TENM4: variants seen among roughly 807,000 people sequenced by gnomAD.
TENM4 encodes the protein teneurin-4.
Under a neutral mutation model 243.3 loss-of-function variants are expected in TENM4, and 82 were observed. The ratio of observed to expected loss-of-function variants is 0.34; its 90% CI spans 0.28 to 0.40. The LOEUF is 0.40. Among genes scored for constraint, TENM4 ranks in the 10% least tolerant of loss-of-function variants. The pLI is 1.00. For synonymous variants in TENM4, 1,412 were observed against 1,456.3 expected, an observed-to-expected ratio of 0.97 and a Z score of 0.69; for missense variants, 3,138 against 3,673.3, an observed-to-expected ratio of 0.85 and a Z score of 3.77.
intron 3 of TENM4, among the ~76,000 whole-genome samples, chr11:79,172,251 T>A (rs145980173): frequency 7.8e-4 from 118 of 152,118 alleles, no homozygotes; most frequent in African/African-American, 2.5e-3. Context: ...ATGCACCTAG[T>A]CAGCACTGTT....
intron 3 of TENM4, among the ~76,000 whole-genome samples, chr11:79,189,343 C>A: frequency 6.6e-6 from 1 of 152,142 alleles, no homozygotes. Context: ...TCTGTGTTCC[C>A]ACCACAGTCT....
intron 12 of TENM4, among the ~76,000 whole-genome samples, chr11:78,843,797 C>T (rs1026641763): frequency 6.6e-6 from 1 of 152,190 alleles, no homozygotes; most frequent in African/African-American, 2.4e-5. Flanking sequence ...CCTTGGGATG[C>T]ATAAAGTCCT....
chr11:79,006,888 G>A (rs908801416), intron 6 of TENM4, among the ~76,000 whole-genome samples: 1 of 152,226 alleles, frequency 6.6e-6, no homozygotes, highest in African/African-American at 2.4e-5. Context: ...CTGTGAAGGT[G>A]TTTTTGAACA....
At chr11:79,213,794 G>T (rs1402190748) in intron 3 of TENM4, among the ~76,000 whole-genome samples, 3 of 152,128 alleles carry the variant, frequency 2.0e-5, no homozygotes, top group Admixed American at 6.5e-5. Context: ...TATTACAAGT[G>T]AGTATGGTGA....
intron 1 of TENM4, among the ~76,000 whole-genome samples, chr11:79,375,091 T>C (rs1857865723): frequency 6.6e-6 from 1 of 152,214 alleles, no homozygotes; most frequent in Non-Finnish European, 1.5e-5. Context: ...CTAAATCTTT[T>C]GTCTAACACA....
At chr11:78,675,769 A>G (rs1356892530) in intron 30 of TENM4, among the ~76,000 whole-genome samples, 1 of 152,284 alleles carries the variant, frequency 6.6e-6, no homozygotes, top group East Asian at 1.9e-4. Context: ...ATTATTGACC[A>G]CTTGCTATGA....
intron 4 of TENM4, among the ~76,000 whole-genome samples, chr11:79,113,055 C>A (rs1429489422): frequency 6.6e-6 from 1 of 152,136 alleles, no homozygotes; most frequent in African/African-American, 2.4e-5. Flanking sequence ...AGTGAAGGAC[C>A]CTCTCAGATG....
At chr11:79,107,994 G>C (rs941722312) in intron 4 of TENM4, among the ~76,000 whole-genome samples, 21 of 152,152 alleles carry the variant, frequency 1.4e-4, no homozygotes, top group Admixed American at 2.0e-4. Flanking sequence ...AATTGATCCT[G>C]GCAAGAACTA....
intron 2 of TENM4, among the ~76,000 whole-genome samples, chr11:79,257,979 T>A (rs1855728122): frequency 6.6e-6 from 1 of 151,896 alleles, no homozygotes; most frequent in African/African-American, 2.4e-5. Context: ...GGTGCAAGAG[T>A]TTAAGCCTTC....
intron 2 of TENM4, among the ~76,000 whole-genome samples, chr11:79,280,997 A>G (rs1176477947): frequency 6.6e-6 from 1 of 152,210 alleles, no homozygotes; most frequent in African/African-American, 2.4e-5. Context: ...TTTCCACTGG[A>G]CAGAAACCTG....
chr11:79,129,663 C>A (rs1861959120), intron 4 of TENM4, among the ~76,000 whole-genome samples: 1 of 152,084 alleles, frequency 6.6e-6, no homozygotes, highest in Admixed American at 6.5e-5. Context: ...CAGCCATAGT[C>A]CGCCCAGGTA....
At chr11:79,429,408 C>A (rs1859121438) in intron 1 of TENM4, among the ~76,000 whole-genome samples, 2 of 152,164 alleles carry the variant, frequency 1.3e-5, no homozygotes, top group Admixed American at 1.3e-4. Flanking sequence ...GCCAGCGGAC[C>A]AGCAGCTGAG....
At chr11:79,412,774 C>A (rs749442116) in intron 1 of TENM4, among the ~76,000 whole-genome samples, 18 of 152,134 alleles carry the variant, frequency 1.2e-4, no homozygotes, top group Non-Finnish European at 2.1e-4. Flanking sequence ...TGCATGCATC[C>A]ATTCATTCAT....
chr11:79,291,839 TC>T (rs1465826220), intron 2 of TENM4, among the ~76,000 whole-genome samples: 5 of 152,124 alleles, frequency 3.3e-5, no homozygotes, highest in Non-Finnish European at 7.4e-5. Flanking sequence ...ATATGTAGTC[TC>T]CCCAAGCACT....
intron 26 of TENM4, 42 bp downstream of exon 26, chr11:78,712,440 C>T: frequency 1.3e-6 from 2 of 1,560,136 alleles, no homozygotes; most frequent in South Asian, 1.2e-5. Flanking sequence ...GGAAAATACC[C>T]CAATAAATGT....
At chr11:79,322,826 C>T (rs1856913527) in intron 1 of TENM4, among the ~76,000 whole-genome samples, 1 of 152,176 alleles carries the variant, frequency 6.6e-6, no homozygotes, top group Non-Finnish European at 1.5e-5. Context: ...TCTGGAGAGG[C>T]ATATTTATTC....
At chr11:79,222,646 C>T (rs1354228326) in intron 2 of TENM4, among the ~76,000 whole-genome samples, 1 of 152,210 alleles carries the variant, frequency 6.6e-6, no homozygotes, top group Non-Finnish European at 1.5e-5. Flanking sequence ...ATTCCTATTT[C>T]TCCACAGCCT....
intron 3 of TENM4, among the ~76,000 whole-genome samples, chr11:79,161,187 G>C (rs1483839875): frequency 1.3e-5 from 2 of 152,164 alleles, no homozygotes; most frequent in African/African-American, 4.8e-5. Context: ...GGCCACCACT[G>C]TTCTGATCTC....
intron 5 of TENM4, among the ~76,000 whole-genome samples, chr11:79,068,943 C>G (rs948565765): frequency 6.6e-6 from 1 of 152,178 alleles, no homozygotes; most frequent in African/African-American, 2.4e-5. Flanking sequence ...GAGTCACCCC[C>G]AAGCTTCATC....
Sources: allele counts gnomAD v4.1 joint callset (sites outside exome capture counted in the v4.1 genomes callset), GRCh38; gene constraint gnomAD v4.1.1; transcripts MANE v1.5; gene names NCBI Gene and HGNC (gene_info 2026-07-23, HGNC 2026-07-21).